Variants in PCDHA9 observed in about 807,000 individuals in gnomAD.
PCDHA9 encodes the protein protocadherin alpha 9.
A neutral mutation model predicts 62.0 loss-of-function variants in PCDHA9; 62 were observed. The observed-to-expected ratio is 1.00, with a 90% CI of 0.81 to 1.23. The LOEUF (loss-of-function observed/expected upper bound fraction) is 1.23, where lower values mean the gene tolerates loss of function less well. Among genes scored for constraint, PCDHA9 ranks in the 50% most tolerant of loss-of-function variants. The pLI, the probability that PCDHA9 is intolerant of heterozygous loss-of-function variation, is 0.00. For missense variants in PCDHA9, 1,205 were observed against 1,249.8 expected, an observed-to-expected ratio of 0.96 and a Z score of 0.54; for synonymous variants, 557 against 567.6, an observed-to-expected ratio of 0.98 and a Z score of 0.27.
chr5:140,973,513 A>G (rs2096591492), intron 1 of PCDHA9, among the ~76,000 whole-genome samples: 1 of 151,864 alleles, frequency 6.6e-6, no homozygotes, highest in Non-Finnish European at 1.5e-5. Context: ...GAAAAAGTTT[A>G]TTTTCTTTGG....
intron 3 of PCDHA9, among the ~76,000 whole-genome samples, chr5:141,006,384 T>G (rs181638891): frequency 6.6e-6 from 1 of 152,126 alleles, no homozygotes; most frequent in African/African-American, 2.4e-5. Flanking sequence ...GCTAAGTTTT[T>G]TCTATTTTTT....
rs2150491929 is a variant in PCDHA9, at chr5:140,850,639, T to C, written c.2144T>C (p.Leu715Pro). 1 of 1,598,684 alleles carries C rather than the reference T, an allele frequency of 6.3e-7. No individual in the cohort carries two copies. Among genetic ancestry groups the C allele is most frequent in the East Asian group, 2.2e-5 (1 of 44,858 alleles). ...CAVSSLLVLT[L>P]LLYTVLRCSA... The stretch of plus-strand genomic sequence containing the variant: ...GTGTCTAGCCTGTTGGTTCTCACGC[T>C]GCTGCTGTACACTGTGCTGCGGTGC... Residue 715 changes from leucine (L) to proline (P), a missense_variant, in exon 1 of 4, where the codon CTG becomes CCG. Leu to Pro is a moderately conservative substitution (Grantham distance 98). This residue lies in a region of PCDHA9 where 887 missense variants were observed against 809.5 expected (regional missense o/e 1.10). Coordinates refer to ENST00000532602, the MANE Select transcript of PCDHA9 (RefSeq NM_031857.2).
At chr5:140,938,468 A>T (rs1427570517) in intron 1 of PCDHA9, among the ~76,000 whole-genome samples, 1 of 152,096 alleles carries the variant, frequency 6.6e-6, no homozygotes, top group Non-Finnish European at 1.5e-5. Flanking sequence ...TTAATTTATT[A>T]TGTTTTTTAA....
intron 1 of PCDHA9, chr5:140,884,562 A>G (rs782650365): frequency 3.1e-6 from 5 of 1,614,166 alleles, no homozygotes; most frequent in Admixed American, 1.7e-5. Flanking sequence ...GAGGGCCCGC[A>G]TAAGACGGAC....
Position 140,920,248 on chromosome 5 carries a change from C to T in PCDHA9, c.2395-58701C>T, listed in dbSNP as rs77829363. 2.9e-3 allele frequency among the ~76,000 whole-genome samples: 443 copies of T among 152,218 alleles called. 1 individual carries two copies. The highest frequency in any genetic ancestry group is 0.01 in the African/African-American group (423 of 41,510). Reference sequence around the variant, plus strand: ...TAGTATTATATACCCAACAATACATCGCTATAATAATTATTACTTTATGTA... The same window carrying T: ...TAGTATTATATACCCAACAATACATTGCTATAATAATTATTACTTTATGTA... On this transcript the variant is annotated intron_variant, in intron 1 of 3. Coordinates refer to ENST00000532602, the MANE Select transcript of PCDHA9 (RefSeq NM_031857.2).
At chr5:140,931,023 T>C (rs146623712) in intron 1 of PCDHA9, among the ~76,000 whole-genome samples, 1 of 152,322 alleles carries the variant, frequency 6.6e-6, no homozygotes, top group African/African-American at 2.4e-5. Context: ...AATTTTCTGA[T>C]TGTAGAGCTA....
At chr5:140,851,697 TC>T in intron 1 of PCDHA9, 1 of 942,168 alleles carries the variant, frequency 1.1e-6, no homozygotes, top group Non-Finnish European at 1.3e-6. Flanking sequence ...GATAAAATGA[TC>T]AGCCATGTGA....
At position 140,877,488 on chromosome 5, in the gene PCDHA9, C is replaced by G. The variant is rs781785108; in HGVS notation, c.2394+26599C>G. ...CGGTGCTGGTGTCGCTGGTGGAGAA[C>G]GGCCAGGCCCCAAAGACGTCGTCGC... On this transcript the variant is annotated intron_variant, in intron 1 of 3. Transcript: ENST00000532602. 6.2e-6 allele frequency: 10 copies of G among 1,613,856 alleles called. No homozygotes were observed. In the South Asian group the frequency reaches 1.1e-4, roughly 18 times the overall value.
intron 1 of PCDHA9, chr5:140,875,613 C>G (rs2055652849): frequency 8.1e-6 from 13 of 1,613,708 alleles, no homozygotes; most frequent in Non-Finnish European, 1.1e-5. Flanking sequence ...TCGTGGGCCG[C>G]ATCGCTCAGG....
intron 1 of PCDHA9, among the ~76,000 whole-genome samples, chr5:140,947,404 T>G (rs1305199507): frequency 6.6e-6 from 1 of 151,736 alleles, no homozygotes; most frequent in Non-Finnish European, 1.5e-5. Flanking sequence ...GTAGACTGTC[T>G]TGATATTGTA....
At chr5:140,948,665 A>T (rs2094288381) in intron 1 of PCDHA9, among the ~76,000 whole-genome samples, 1 of 151,668 alleles carries the variant, frequency 6.6e-6, no homozygotes. Flanking sequence ...ATCTGTAGTG[A>T]TAACATCTTT....
Position 140,881,340 on chromosome 5 carries a change from CG to C in PCDHA9, c.2394+30454del, listed in dbSNP as rs1453642152. Reference sequence around the variant, plus strand: ...ATTCTATTTAACCAGGACGCCGATTCGGGCTACAATGCGTGGCTTTCGTATG... The same window carrying C: ...ATTCTATTTAACCAGGACGCCGATTCGGCTACAATGCGTGGCTTTCGTATG... On this transcript the variant is annotated intron_variant, in intron 1 of 3. Coordinates refer to ENST00000532602, the MANE Select transcript of PCDHA9 (RefSeq NM_031857.2). The C allele has an allele frequency of 3.0e-6, 3 of 984,934 alleles. No individual in the cohort carries two copies. The African/African-American group carries it at 5.2e-5, about 17-fold the overall frequency. The allele number at this position is 984,934 out of a possible 1,614,324, so 61.0% of individuals were successfully genotyped here. A position where few individuals can be genotyped will look rare whatever the true frequency, so the allele number is the denominator to read the frequency against.
At chr5:140,898,816 C>T (rs1216644860) in intron 1 of PCDHA9, among the ~76,000 whole-genome samples, 5 of 152,148 alleles carry the variant, frequency 3.3e-5, no homozygotes, top group African/African-American at 1.2e-4. Context: ...TTCTTCCTAC[C>T]CATGAGCATG....
chr5:140,884,160 T>G lies in PCDHA9; in HGVS notation c.2394+33271T>G. 2 of 1,613,366 alleles carry G rather than the reference T, an allele frequency of 1.2e-6. No homozygotes were observed. The highest frequency in any genetic ancestry group is 1.7e-6 in the Non-Finnish European group (2 of 1,179,734). Reference sequence around the variant, plus strand: ...CGCGTGGGGCTGTACACTGGCGAGATCAGCACGACGCGCCCTCTGGACGAG... The same window carrying G: ...CGCGTGGGGCTGTACACTGGCGAGAGCAGCACGACGCGCCCTCTGGACGAG... On this transcript the variant is annotated intron_variant, in intron 1 of 3. Coordinates refer to ENST00000532602, the MANE Select transcript of PCDHA9 (RefSeq NM_031857.2).
At chr5:140,875,684 A>T (rs1236163720) in intron 1 of PCDHA9, 1 of 1,613,854 alleles carries the variant, frequency 6.2e-7, no homozygotes, top group Non-Finnish European at 8.5e-7. Flanking sequence ...TCCAAAAGAC[A>T]CGGGGACCTT....
At chr5:140,999,240 G>A (rs193018375) in intron 3 of PCDHA9, among the ~76,000 whole-genome samples, 1 of 152,340 alleles carries the variant, frequency 6.6e-6, no homozygotes, top group Non-Finnish European at 1.5e-5. Context: ...GGTGGTTAAA[G>A]TGGGAGTTGG....
intron 1 of PCDHA9, chr5:140,882,591 T>C (rs781883775): frequency 1.2e-6 from 2 of 1,614,116 alleles, no homozygotes; most frequent in South Asian, 2.2e-5. Flanking sequence ...CACCTGGAGG[T>C]GATCGTGGAC....
At chr5:140,942,927 A>T (rs914550511) in intron 1 of PCDHA9, among the ~76,000 whole-genome samples, 2 of 152,104 alleles carry the variant, frequency 1.3e-5, no homozygotes, top group Non-Finnish European at 2.9e-5. Flanking sequence ...AAAAAAATTG[A>T]AAAAGAGTTT....
rs1554205708 is a variant in PCDHA9 at position 140,928,289 on chromosome 5, G to A, written c.2395-50660G>A. 3.1e-6 allele frequency: 5 copies of A among 1,614,170 alleles called. No individual in the cohort carries two copies. In the East Asian group the frequency reaches 6.7e-5, roughly 22 times the overall value. ...AATGGCCCTGGGGCCTCTCTAGGCC[G>A]AGTGTTTGCCCAGGACCCCGACCTG... is the stretch of plus-strand genomic sequence containing the variant. On this transcript the variant is annotated intron_variant, in intron 1 of 3. Coordinates refer to ENST00000532602, the MANE Select transcript of PCDHA9 (RefSeq NM_031857.2).
Sources: allele counts gnomAD v4.1 joint callset (sites outside exome capture counted in the v4.1 genomes callset), GRCh38; gene constraint gnomAD v4.1.1; regional missense constraint gnomAD v4.1.1; transcripts MANE v1.5; gene names NCBI Gene and HGNC (gene_info 2026-07-23, HGNC 2026-07-21).